The following AIG1 variants were observed in gnomAD, a reference collection of about 807,000 sequenced individuals.
AIG1 encodes the protein androgen-induced gene 1 protein.
AIG1 carries 23 observed loss-of-function variants against 31.4 expected under a neutral mutation model. The observed-to-expected ratio is 0.73, with a 90% CI of 0.53 to 1.04. The LOEUF (loss-of-function observed/expected upper bound fraction) is 1.04, where lower values mean the gene tolerates loss of function less well. Among genes scored for constraint, AIG1 ranks in the 50% least tolerant of loss-of-function variants. The pLI is 0.00. For synonymous variants in AIG1, 100 were observed against 110.5 expected, an observed-to-expected ratio of 0.90 and a Z score of 0.60; for missense variants, 274 against 295.0, an observed-to-expected ratio of 0.93 and a Z score of 0.52.
At chr6:143,252,879 T>G (rs755051529) in intron 3 of AIG1, among the ~76,000 whole-genome samples, 3 of 152,192 alleles carry the variant, frequency 2.0e-5, no homozygotes, top group Non-Finnish European at 4.4e-5. Context: ...TGCTTCCAAG[T>G]GCACATGGCT....
At chr6:143,249,229 CT>C (rs1794831330) in intron 3 of AIG1, among the ~76,000 whole-genome samples, 1 of 152,214 alleles carries the variant, frequency 6.6e-6, no homozygotes. Flanking sequence ...TGTACACCTT[CT>C]GTGGGGACAA....
At chr6:143,072,630 C>A (rs912202366) in intron 1 of AIG1, among the ~76,000 whole-genome samples, 4 of 151,264 alleles carry the variant, frequency 2.6e-5, no homozygotes, top group African/African-American at 4.9e-5. Context: ...AAGTTTCTTT[C>A]TATTCCAAGT....
chr6:143,322,946 C>T (rs1440488833), intron 4 of AIG1, among the ~76,000 whole-genome samples: 5 of 152,010 alleles, frequency 3.3e-5, no homozygotes, highest in Admixed American at 3.3e-4. Context: ...TTTGTTTGTT[C>T]TGTTTGCTTT....
chr6:143,285,411 C>T (rs533331115), intron 4 of AIG1, among the ~76,000 whole-genome samples: 1 of 151,156 alleles, frequency 6.6e-6, no homozygotes, highest in South Asian at 2.1e-4. Context: ...CTTGTAATCC[C>T]AGCACTTTGG....
At chr6:143,341,104 A>G (rs1777841127), downstream of AIG1, among the ~76,000 whole-genome samples, 1 of 152,152 alleles carries the variant, frequency 6.6e-6, no homozygotes, top group Non-Finnish European at 1.5e-5. Context: ...CATTCACTCT[A>G]TATGCCCCCC....
intron 3 of AIG1, among the ~76,000 whole-genome samples, chr6:143,208,958 G>A (rs1265369852): frequency 6.6e-6 from 1 of 152,090 alleles, no homozygotes; most frequent in African/African-American, 2.4e-5. Flanking sequence ...GGGTCCTGCA[G>A]TAGCCAAATG....
chr6:143,335,177 T>A, intron 5 of AIG1: 3 of 1,308,628 alleles, frequency 2.3e-6, no homozygotes, highest in Non-Finnish European at 3.0e-6. Flanking sequence ...CCCCAACTTC[T>A]ACCTATCAAG....
chr6:143,102,407 A>G (rs868469351), intron 1 of AIG1, among the ~76,000 whole-genome samples: 35 of 149,124 alleles, frequency 2.3e-4, no homozygotes, highest in African/African-American at 6.1e-4. Context: ...AGGACTTAAA[A>G]CGTTTCATGA....
At chr6:143,136,704 A>G (rs1783786865) in intron 1 of AIG1, 131 bp from the exon 2 acceptor site, 1 of 859,926 alleles carries the variant, frequency 1.2e-6, no homozygotes, top group East Asian at 3.0e-5. Context: ...TATTTCTAGG[A>G]GCAGCTCTTT....
rs1056547625 is a variant in AIG1 at position 143,299,112 on chromosome 6, A to T, written c.515+14887A>T. 8 of 152,026 alleles carry T rather than the reference A, an allele frequency of 5.3e-5. No individual in the cohort carries two copies. Among genetic ancestry groups the T allele is most frequent in the Admixed American group, 3.3e-4 (5 of 15,276 alleles). 9.4% of individuals were successfully genotyped at this position (152,026 alleles called of 1,614,324 possible). A position where few individuals can be genotyped will look rare whatever the true frequency, so the allele number is the denominator to read the frequency against. ...GCTGAAAAGAACTTCTGGGTCTATG[A>T]CTCTCTCCTTGACAGAGGTGATCAA... On this transcript the variant is annotated intron_variant, in intron 4 of 5. Coordinates refer to ENST00000357847, the MANE Select transcript of AIG1 (RefSeq NM_016108.4). This position sits in a 1 kb window ranked among gnomAD's most constrained non-coding sequence, Gnocchi z 4.1.
At chr6:143,220,768 G>C (rs1180796668) in intron 3 of AIG1, among the ~76,000 whole-genome samples, 2 of 152,178 alleles carry the variant, frequency 1.3e-5, no homozygotes, top group Non-Finnish European at 2.9e-5. Flanking sequence ...TTGATCACAT[G>C]CAGAGCACAC....
intron 3 of AIG1, among the ~76,000 whole-genome samples, chr6:143,260,067 A>G (rs1562533220): frequency 8.1e-6 from 1 of 123,832 alleles, no homozygotes; most frequent in Non-Finnish European, 1.6e-5. Flanking sequence ...TCTGTCACCC[A>G]GGCTGAAGTG....
chr6:143,188,934 C>T, intron 3 of AIG1: 2 of 983,830 alleles, frequency 2.0e-6, no homozygotes, highest in Non-Finnish European at 2.4e-6. Flanking sequence ...AAAGCTCAAG[C>T]CTTCCAGACT....
At chr6:143,159,424 T>C (rs1283347628) in intron 2 of AIG1, among the ~76,000 whole-genome samples, 3 of 152,182 alleles carry the variant, frequency 2.0e-5, no homozygotes, top group Admixed American at 6.5e-5. Flanking sequence ...ACCAAAATGA[T>C]GATAGTTAAA....
At chr6:143,186,729 T>C (rs1163681720) in intron 3 of AIG1, 1 of 152,406 alleles carries the variant, frequency 6.6e-6, no homozygotes, top group African/African-American at 2.4e-5. Flanking sequence ...ATGCAGACAT[T>C]TGAAAGGGTC....
At chr6:143,313,549 A>G (rs1775482561) in intron 4 of AIG1, among the ~76,000 whole-genome samples, 1 of 152,144 alleles carries the variant, frequency 6.6e-6, no homozygotes, top group Non-Finnish European at 1.5e-5. Context: ...TGGTTATCAG[A>G]GGCGTGAAAA....
At chr6:143,313,528 T>C (rs1317221132) in intron 4 of AIG1, among the ~76,000 whole-genome samples, 1 of 151,956 alleles carries the variant, frequency 6.6e-6, no homozygotes, top group Non-Finnish European at 1.5e-5. Flanking sequence ...TGGAGATAGG[T>C]AGTGGAAGGA....
chr6:143,332,651 C>G (rs1054646456), intron 4 of AIG1, among the ~76,000 whole-genome samples: 1 of 152,210 alleles, frequency 6.6e-6, no homozygotes, highest in African/African-American at 2.4e-5. Flanking sequence ...GGCACAGACT[C>G]ACCTAGGTCT....
intron 1 of AIG1, among the ~76,000 whole-genome samples, chr6:143,101,894 T>A (rs566539212): frequency 6.6e-6 from 1 of 152,158 alleles, no homozygotes; most frequent in East Asian, 1.9e-4. Context: ...TTTTACAATT[T>A]CTAATGCCCA....
Sources: gnomAD v4.1 joint callset for allele counts (sites outside exome capture counted in the v4.1 genomes callset) on GRCh38, gnomAD v4.1.1 for gene constraint, Gnocchi (gnomAD v3.1) non-coding constraint, MANE v1.5 for transcripts, NCBI Gene and HGNC (gene_info 2026-07-23, HGNC 2026-07-21) for gene names.